The following MYOM2 variants were observed in gnomAD, a reference collection of about 807,000 sequenced individuals.
The protein encoded by MYOM2 is myomesin-2.
A neutral mutation model predicts 187.6 loss-of-function variants in MYOM2; 254 were observed. The observed-to-expected ratio is 1.35, with a 90% CI of 1.22 to 1.50. The LOEUF (loss-of-function observed/expected upper bound fraction) is 1.50, where lower values mean the gene tolerates loss of function less well. MYOM2 is among the 40% of genes most tolerant of loss of function. The probability of loss-of-function intolerance (pLI) is 0.00; values close to 1 mark genes in which losing one functional copy is unlikely to be tolerated. For missense variants in MYOM2, 2,796 were observed against 1,924.0 expected, an observed-to-expected ratio of 1.45 and a Z score of -8.48; for synonymous variants, 981 against 753.8, an observed-to-expected ratio of 1.30 and a Z score of -4.94.
Position 2,096,260 on chromosome 8 carries a change from T to C in MYOM2, c.2139T>C (p.His713=), listed in dbSNP as rs1211002548. The C allele has an allele frequency of 1.9e-6, 3 of 1,614,062 alleles. No individual in the cohort carries two copies. Among genetic ancestry groups the C allele is most frequent in the African/African-American group, 2.7e-5 (2 of 75,040 alleles). The part of the protein sequence containing the change: ...KVQAALTVPS[H]PYGITLLNCD... Reference sequence around the variant, plus strand: ...GCTTCCTTGCAGCCGTCCCGTCCCATCCTTATGGGATTACGCTCCTCAACT... The same window carrying C: ...GCTTCCTTGCAGCCGTCCCGTCCCACCCTTATGGGATTACGCTCCTCAACT... Residue 713 remains histidine (H), a synonymous_variant, in exon 18 of 37, where the codon CAT becomes CAC. Coordinates refer to ENST00000262113, the MANE Select transcript of MYOM2 (RefSeq NM_003970.4).
intron 5 of MYOM2, among the ~76,000 whole-genome samples, chr8:2,058,922 C>T (rs1465886): frequency 0.27 from 41,582 of 152,114 alleles, 6,611 homozygotes; most frequent in Non-Finnish European, 0.36. Context: ...GTTTGATCTG[C>T]CGAATGGGGA....
intron 6 of MYOM2, among the ~76,000 whole-genome samples, chr8:2,061,620 C>T (rs1818854207): frequency 1.3e-5 from 2 of 152,056 alleles, no homozygotes; most frequent in African/African-American, 2.4e-5. Context: ...TGTGGGACTC[C>T]CTCCTGCTTC....
intron 13 of MYOM2, among the ~76,000 whole-genome samples, chr8:2,080,636 C>G (rs527673888): frequency 2.0e-5 from 3 of 152,328 alleles, no homozygotes; most frequent in African/African-American, 7.2e-5. Context: ...CTTGCAGTCT[C>G]CTGGGCATCT....
At position 2,076,443 on chromosome 8, in the gene MYOM2, T is replaced by C. The variant is rs554877353; in HGVS notation, c.1262+161T>C. 24 of 916,040 alleles carry C rather than the reference T, an allele frequency of 2.6e-5. No individual in the cohort carries two copies. In the Admixed American group the frequency reaches 4.8e-4, roughly 18 times the overall value. The allele number at this position is 916,040 out of a possible 1,614,324, so 56.7% of individuals were successfully genotyped here. A position where few individuals can be genotyped will look rare whatever the true frequency, so the allele number is the denominator to read the frequency against. ...TTGTATAAGTTCCTATTTAGGTAAT[T>C]GGTAAATACGGCCAAGTAGGCTGAG... is the stretch of plus-strand genomic sequence containing the variant. On this transcript the variant is annotated intron_variant, in intron 11 of 36. Transcript: ENST00000262113.
At position 2,057,761 on chromosome 8, in the gene MYOM2, C is replaced by T; in HGVS notation, c.541C>T (p.Pro181Ser). The change falls in exon 5 of 37, where the codon CCC (proline) becomes TCC (serine). Residue 181 changes from proline (P) to serine (S), a missense_variant. Physicochemically the swap from Pro to Ser is moderately conservative, Grantham distance 74. Transcript: ENST00000262113. ...VKLCFTVQGF[P>S]TPVVQWYKDG... ...ACTCTGCTTCACCGTGCAAGGATTTCCCACGCCCGTGGTGCAGTGGTGAGG... is the reference window on the plus strand; with the variant it reads ...ACTCTGCTTCACCGTGCAAGGATTTTCCACGCCCGTGGTGCAGTGGTGAGG... 6.2e-7 allele frequency: 1 copy of T among 1,614,066 alleles called. No homozygotes were observed. Among genetic ancestry groups the T allele is most frequent in the Non-Finnish European group, 8.5e-7 (1 of 1,179,988 alleles).
At position 2,142,405 on chromosome 8, in the gene MYOM2, C is replaced by G; in HGVS notation, c.4024+8C>G. On this transcript the variant is annotated splice_region_variant and intron_variant, in intron 35 of 36. Coordinates refer to ENST00000262113, the MANE Select transcript of MYOM2 (RefSeq NM_003970.4). ...CTGCTTTTGCAGAGAAGAGTAAGTACCTGTTGGATTGTAACCAGGATGGTG... is the reference window on the plus strand; with the variant it reads ...CTGCTTTTGCAGAGAAGAGTAAGTAGCTGTTGGATTGTAACCAGGATGGTG... 1 of 1,613,600 alleles carries G rather than the reference C, an allele frequency of 6.2e-7. No individual in the cohort carries two copies. The highest frequency in any genetic ancestry group is 8.5e-7 in the Non-Finnish European group (1 of 1,179,516).
chr8:2,139,506 C>G (rs760104141), intron 32 of MYOM2, among the ~76,000 whole-genome samples: 22 of 152,128 alleles, frequency 1.4e-4, no homozygotes, highest in Non-Finnish European at 2.6e-4. Flanking sequence ...GAGAAAAAGG[C>G]TATGATGGTG....
intron 2 of MYOM2, 63 bp downstream of exon 2, chr8:2,050,936 G>T: frequency 3.0e-6 from 4 of 1,328,084 alleles, no homozygotes; most frequent in South Asian, 2.4e-5. Flanking sequence ...ACATTTAAAG[G>T]CTTTTCCAGT....
At chr8:2,073,181 G>C (rs1360869899) in intron 9 of MYOM2, among the ~76,000 whole-genome samples, 158 bp from the exon 10 acceptor site, 1 of 152,228 alleles carries the variant, frequency 6.6e-6, no homozygotes, top group African/African-American at 2.4e-5. Flanking sequence ...CTTCCACGAA[G>C]TGCAGCTGTT....
At chr8:2,137,327 C>G (rs1459388996) in intron 32 of MYOM2, among the ~76,000 whole-genome samples, 1 of 151,900 alleles carries the variant, frequency 6.6e-6, no homozygotes, top group African/African-American at 2.4e-5. Context: ...ACAGCACGAA[C>G]AGAGCATTTC....
chr8:2,142,100 A>C (rs932893991), intron 34 of MYOM2, among the ~76,000 whole-genome samples: 11 of 151,610 alleles, frequency 7.3e-5, no homozygotes, highest in African/African-American at 2.2e-4. Context: ...AATCTCTTCA[A>C]CCTGTGAGCT....
rs1029306813 is a variant in MYOM2 at position 2,078,872 on chromosome 8, A to T, written c.1401A>T (p.Arg467=). 1.9e-6 allele frequency: 3 copies of T among 1,613,976 alleles called. No individual in the cohort carries two copies. The highest frequency in any genetic ancestry group is 2.5e-6 in the Non-Finnish European group (3 of 1,179,910). Residue 467 remains arginine, a synonymous_variant, in exon 12 of 37, where the codon CGA becomes CGT. Transcript: ENST00000262113. ...CAGTGAACAGTGCGGGCATCAGCCG[A>T]CCCTCCAGGGTCTCTGATGCGGTGG... The part of the protein sequence containing the change: ...VRAVNSAGIS[R]PSRVSDAVAA...
chr8:2,072,805 T>C (rs1424538014), intron 9 of MYOM2, among the ~76,000 whole-genome samples: 1 of 152,258 alleles, frequency 6.6e-6, no homozygotes, highest in Admixed American at 6.5e-5. Context: ...TGCACATTAC[T>C]GCATGGAAGG....
At chr8:2,126,500 G>A (rs766234403) in intron 31 of MYOM2, among the ~76,000 whole-genome samples, 1 of 152,030 alleles carries the variant, frequency 6.6e-6, no homozygotes, top group Non-Finnish European at 1.5e-5. Flanking sequence ...ACACTTACAT[G>A]TGAACTCACA....
At chr8:2,074,443 C>T (rs6558594) in intron 10 of MYOM2, among the ~76,000 whole-genome samples, 1,894 of 151,986 alleles carry the variant, frequency 0.012, 29 homozygotes, top group African/African-American at 0.043. Context: ...CACCTACTCC[C>T]ACTCCTCCTT....
At chr8:2,127,165 C>G (rs1797677044) in intron 31 of MYOM2, among the ~76,000 whole-genome samples, 2 of 152,000 alleles carry the variant, frequency 1.3e-5, no homozygotes, top group Admixed American at 1.3e-4. Flanking sequence ...GAATATGGCT[C>G]TGCAGTGTGT....
Position 2,072,417 on chromosome 8 carries a change from G to C in MYOM2, c.866G>C (p.Arg289Thr). 6.2e-7 allele frequency: 1 copy of C among 1,614,216 alleles called. No homozygotes were observed. Among genetic ancestry groups the C allele is most frequent in the Non-Finnish European group, 8.5e-7 (1 of 1,180,048 alleles). ...TTGGAGAAGTTTGGGGTCACCTTCA[G>C]GAGGGAAGGCGAGACGGTCACTCTC... is the stretch of plus-strand genomic sequence containing the variant. ...QFLEKFGVTFRREGETVTLKC... is the reference protein window; with the variant it reads ...QFLEKFGVTFTREGETVTLKC... Residue 289 changes from arginine (R) to threonine (T), a missense_variant, in exon 9 of 37, where the codon AGG becomes ACG. Transcript: ENST00000262113.
intron 25 of MYOM2, among the ~76,000 whole-genome samples, chr8:2,111,053 C>T (rs1263516282): frequency 1.3e-5 from 2 of 152,198 alleles, no homozygotes; most frequent in African/African-American, 2.4e-5. Context: ...CTTCTTTGAG[C>T]AGAGACCATG....
chr8:2,120,680 T>TATAATATAA, intron 28 of MYOM2, among the ~76,000 whole-genome samples: 1 of 48,298 alleles, frequency 2.1e-5, no homozygotes, highest in Non-Finnish European at 4.1e-5. Flanking sequence ...ATATATTATA[T>TATAATATAA]TATATATAAA....
Sources: allele counts gnomAD v4.1 joint callset (sites outside exome capture counted in the v4.1 genomes callset), GRCh38; gene constraint gnomAD v4.1.1; transcripts MANE v1.5; gene names NCBI Gene and HGNC (gene_info 2026-07-23, HGNC 2026-07-21).